Variants in R3HCC1L observed in about 807,000 individuals in gnomAD.
The protein encoded by R3HCC1L is R3H domain and coiled-coil containing 1 like.
Under a neutral mutation model 59.9 loss-of-function variants are expected in R3HCC1L, and 51 were observed. That is an observed-to-expected ratio of 0.85 (90% CI 0.68 to 1.07). The LOEUF (loss-of-function observed/expected upper bound fraction) is 1.07. Ranked by LOEUF, R3HCC1L falls within the 50% of genes least tolerant of loss-of-function variation. The pLI is 0.00. For synonymous variants in R3HCC1L, 322 were observed against 315.2 expected (o/e 1.02, Z -0.23); for missense variants, 965 against 933.0 (o/e 1.03, Z -0.45).
intron 4 of R3HCC1L, among the ~76,000 whole-genome samples, chr10:98,187,730 C>CTTTTT (rs755546581): frequency 4.2e-5 from 4 of 95,158 alleles, no homozygotes; most frequent in Non-Finnish European, 6.4e-5. Context: ...TGTAACAATT[C>CTTTTT]TTTTTTTTTT....
chr10:98,144,290 A>T (rs1347580160), intron 1 of R3HCC1L, among the ~76,000 whole-genome samples: 1 of 152,084 alleles, frequency 6.6e-6, no homozygotes, highest in African/African-American at 2.4e-5. Context: ...ATCTCAGCTC[A>T]CTGCAACCTC....
intron 4 of R3HCC1L, among the ~76,000 whole-genome samples, chr10:98,189,499 T>C (rs1850606767): frequency 6.6e-6 from 1 of 152,196 alleles, no homozygotes; most frequent in African/African-American, 2.4e-5. Context: ...TATTTCTCTT[T>C]AGTTCAGATA....
At chr10:98,217,599 C>T (rs942842433) in intron 5 of R3HCC1L, among the ~76,000 whole-genome samples, 1 of 152,066 alleles carries the variant, frequency 6.6e-6, no homozygotes, top group Admixed American at 6.6e-5. Flanking sequence ...CTTTAGATTG[C>T]TTTAGGCAGT....
intron 9 of R3HCC1L, among the ~76,000 whole-genome samples, chr10:98,243,288 A>G (rs1397529843): frequency 6.6e-6 from 1 of 152,242 alleles, no homozygotes; most frequent in Non-Finnish European, 1.5e-5. Context: ...TAGGCTTACC[A>G]TCTATGATGT....
Position 98,208,220 on chromosome 10 carries a change from G to A in R3HCC1L, c.106G>A (p.Glu36Lys), listed in dbSNP as rs781204722. 6.2e-7 allele frequency: 1 copy of A among 1,614,034 alleles called. No individual in the cohort carries two copies. Among genetic ancestry groups the A allele is most frequent in the South Asian group, 1.1e-5 (1 of 91,078 alleles). The change falls in exon 5 of 10, where the codon GAA becomes AAA. Residue 36 changes from glutamate (E) to lysine (K), a missense_variant. Physicochemically the swap from Glu to Lys is moderately conservative, Grantham distance 56. Transcript: ENST00000298999. Reference sequence around the variant, plus strand: ...TGCAGTACTCCTTAAGACAGGTGATGAAGAAGAAAGCTGTGGTTCACCTAA... The same window carrying A: ...TGCAGTACTCCTTAAGACAGGTGATAAAGAAGAAAGCTGTGGTTCACCTAA... Reference protein sequence around the residue: ...RGAVLLKTGDEEESCGSPNSV... With the variant: ...RGAVLLKTGDKEESCGSPNSV...
chr10:98,185,658 A>G (rs1850155318), intron 4 of R3HCC1L, among the ~76,000 whole-genome samples: 1 of 152,242 alleles, frequency 6.6e-6, no homozygotes, highest in Non-Finnish European at 1.5e-5. Flanking sequence ...ATATGAAGAC[A>G]GAAGTGACAG....
chr10:98,184,779 C>A lies in R3HCC1L; in HGVS notation c.-15+21382C>A, dbSNP rs576223401. On this transcript the variant is annotated intron_variant, in intron 4 of 9. Transcript: ENST00000298999. The stretch of plus-strand genomic sequence containing the variant: ...ATGGGGCTTTTTCAGAGATCTTGCC[C>A]CTTCTTTAAGCAGGGTAGATTTTGT... Among the ~76,000 whole-genome samples, 51 of 152,186 alleles carry A rather than the reference C, an allele frequency of 3.4e-4. No homozygotes were observed. The South Asian group carries it at 0.01, about 31-fold the overall frequency.
At chr10:98,240,952 C>G (rs1857468248) in intron 9 of R3HCC1L, among the ~76,000 whole-genome samples, 1 of 152,126 alleles carries the variant, frequency 6.6e-6, no homozygotes, top group Non-Finnish European at 1.5e-5. Context: ...AGGTCACCAG[C>G]TGTTGCTAAA....
chr10:98,193,022 G>A (rs186289557), intron 4 of R3HCC1L, among the ~76,000 whole-genome samples: 216 of 151,990 alleles, frequency 1.4e-3, no homozygotes, highest in African/African-American at 5.0e-3. Flanking sequence ...AACAACTGAG[G>A]ACAAAAATCA....
At chr10:98,151,913 TCTCTCC>T (rs1037021646) in intron 1 of R3HCC1L, among the ~76,000 whole-genome samples, 22 of 152,250 alleles carry the variant, frequency 1.4e-4, no homozygotes, top group Admixed American at 2.6e-4. Context: ...TCGCTCTCTC[TCTCTCC>T]CTCTCCCTCT....
chr10:98,211,472 G>T, intron 5 of R3HCC1L: 1 of 1,241,876 alleles, frequency 8.1e-7, no homozygotes, highest in Non-Finnish European at 1.1e-6. Context: ...ATAATAATAA[G>T]GTGGGAAGCT....
intron 1 of R3HCC1L, among the ~76,000 whole-genome samples, chr10:98,136,681 CA>C (rs1417428273): frequency 3.3e-5 from 5 of 151,822 alleles, no homozygotes; most frequent in African/African-American, 9.7e-5. Context: ...ATTAAAAGTA[CA>C]AAAAATTAAC....
At chr10:98,138,522 CTT>C (rs1844812298) in intron 1 of R3HCC1L, among the ~76,000 whole-genome samples, 1 of 151,158 alleles carries the variant, frequency 6.6e-6, no homozygotes, top group African/African-American at 2.5e-5. Context: ...GAGACTTCAT[CTT>C]TATTAAAAAA....
chr10:98,215,417 A>G (rs968613861), intron 5 of R3HCC1L, among the ~76,000 whole-genome samples: 23 of 152,196 alleles, frequency 1.5e-4, no homozygotes, highest in African/African-American at 5.5e-4. Flanking sequence ...TTTTTTTATC[A>G]TATTTCATCT....
intron 2 of R3HCC1L, among the ~76,000 whole-genome samples, chr10:98,160,515 C>G (rs181076204): frequency 6.6e-6 from 1 of 152,262 alleles, no homozygotes; most frequent in East Asian, 1.9e-4. Flanking sequence ...CATTATATTT[C>G]TATTAGAATG....
At position 98,208,311 on chromosome 10, in the gene R3HCC1L, C is replaced by A; in HGVS notation, c.197C>A (p.Pro66Gln). Reference sequence around the variant, plus strand: ...CAAAAAGAAGTCTTTAAAGACAAACCGGAGGCTCGAAGACTAAATATCAAT... The same window carrying A: ...CAAAAAGAAGTCTTTAAAGACAAACAGGAGGCTCGAAGACTAAATATCAAT... ...LSQKEVFKDKPEARRLNINPD... is the reference protein window; with the variant it reads ...LSQKEVFKDKQEARRLNINPD... The change falls in exon 5 of 10, where the codon CCG becomes CAG. Residue 66 changes from proline to glutamine, a missense_variant. Transcript: ENST00000298999. The A allele has an allele frequency of 6.2e-7, 1 of 1,613,936 alleles. No individual in the cohort carries two copies. The highest frequency in any genetic ancestry group is 8.5e-7 in the Non-Finnish European group (1 of 1,179,966).
intron 1 of R3HCC1L, among the ~76,000 whole-genome samples, chr10:98,144,795 G>A (rs921438558): frequency 1.3e-5 from 2 of 152,210 alleles, no homozygotes; most frequent in African/African-American, 4.8e-5. Context: ...GTTGAGGAGT[G>A]CAAAATACAG....
At chr10:98,186,739 C>T (rs1267082238) in intron 4 of R3HCC1L, among the ~76,000 whole-genome samples, 7 of 152,044 alleles carry the variant, frequency 4.6e-5, no homozygotes, top group Non-Finnish European at 1.0e-4. Flanking sequence ...GGAAAGTAGG[C>T]GTGAAGCTTA....
At chr10:98,237,034 C>T (rs1435140000) in intron 9 of R3HCC1L, among the ~76,000 whole-genome samples, 2 of 152,320 alleles carry the variant, frequency 1.3e-5, no homozygotes, top group East Asian at 1.9e-4. Flanking sequence ...GCCATTAATA[C>T]GTCCTGTCCT....
Sources: gnomAD v4.1 joint callset for allele counts (sites outside exome capture counted in the v4.1 genomes callset) on GRCh38, gnomAD v4.1.1 for gene constraint, MANE v1.5 for transcripts, NCBI Gene and HGNC (gene_info 2026-07-23, HGNC 2026-07-21) for gene names.